CNTN4: variants seen among roughly 807,000 people sequenced by gnomAD.
CNTN4 encodes contactin-4.
CNTN4 carries 77 observed loss-of-function variants against 122.5 expected under a neutral mutation model. That is an observed-to-expected ratio of 0.63 (90% CI 0.52 to 0.76). The LOEUF (loss-of-function observed/expected upper bound fraction) is 0.76. Among genes scored for constraint, CNTN4 ranks in the 30% least tolerant of loss-of-function variants. The pLI, the probability that CNTN4 is intolerant of heterozygous loss-of-function variation, is 0.00. For missense variants in CNTN4, 1,256 were observed against 1,259.1 expected (o/e 1.00, Z 0.04); for synonymous variants, 512 against 447.0 (o/e 1.15, Z -1.83).
Position 2,420,718 on chromosome 3 carries a change from C to T in CNTN4, c.-89+81485C>T, listed in dbSNP as rs147498882. Among the ~76,000 whole-genome samples the T allele has an allele frequency of 3.7e-3, 569 of 152,182 alleles. 4 individuals are homozygous for T. The highest frequency in any genetic ancestry group is 0.013 in the African/African-American group (557 of 41,522). Reference sequence around the variant, plus strand: ...CCCAAAGTGCATTGCAGCTGTGGGCCACCGCGCCTGGCCAAATGTTCTTTA... The same window carrying T: ...CCCAAAGTGCATTGCAGCTGTGGGCTACCGCGCCTGGCCAAATGTTCTTTA... On this transcript the variant is annotated intron_variant, in intron 3 of 24. Coordinates refer to ENST00000418658, the MANE Select transcript of CNTN4 (RefSeq NM_175607.3).
chr3:2,583,761 A>G (rs2080052939), intron 4 of CNTN4, among the ~76,000 whole-genome samples: 1 of 152,188 alleles, frequency 6.6e-6, no homozygotes, highest in Non-Finnish European at 1.5e-5. Flanking sequence ...AAACACCTAT[A>G]TTATTGGGTA....
At chr3:2,630,891 A>G (rs1028009513) in intron 4 of CNTN4, among the ~76,000 whole-genome samples, 7 of 152,202 alleles carry the variant, frequency 4.6e-5, no homozygotes, top group Admixed American at 2.0e-4. Context: ...TCTGTACTTG[A>G]TCAAGTAAAT....
chr3:2,255,011 A>G (rs1246716390), intron 2 of CNTN4, among the ~76,000 whole-genome samples: 1 of 151,994 alleles, frequency 6.6e-6, no homozygotes, highest in Non-Finnish European at 1.5e-5. Context: ...TGGTTTTTAT[A>G]GTTTTAGGTC....
At chr3:2,479,914 C>A (rs2151570366) in intron 3 of CNTN4, among the ~76,000 whole-genome samples, 1 of 152,162 alleles carries the variant, frequency 6.6e-6, no homozygotes, top group South Asian at 2.1e-4. Flanking sequence ...AATAATTATA[C>A]ACCACCACCA....
intron 6 of CNTN4, among the ~76,000 whole-genome samples, chr3:2,758,350 C>T (rs2149668963): frequency 6.6e-6 from 1 of 152,146 alleles, no homozygotes; most frequent in South Asian, 2.1e-4. Flanking sequence ...CCTTTACCAG[C>T]CTATGAGGTT....
At position 2,324,339 on chromosome 3, in the gene CNTN4, C is replaced by T. The variant is rs184929763; in HGVS notation, c.-144-14839C>T. ...GGCATTGCTTCTTGTAAGATACACA[C>T]GCACACTCACACTCATACTTTTGTT... On this transcript the variant is annotated intron_variant, in intron 2 of 24. Transcript: ENST00000418658. Among the ~76,000 whole-genome samples the T allele has an allele frequency of 1.3e-4, 20 of 152,190 alleles. No individual in the cohort carries two copies. In the East Asian group the frequency reaches 2.5e-3, roughly 19 times the overall value.
At chr3:2,172,131 A>T (rs1329769151) in intron 2 of CNTN4, among the ~76,000 whole-genome samples, 2 of 152,232 alleles carry the variant, frequency 1.3e-5, no homozygotes, top group Admixed American at 6.5e-5. Flanking sequence ...GTATATCAGA[A>T]TTTATTAAGA....
At chr3:2,624,745 C>T (rs1295624868) in intron 4 of CNTN4, among the ~76,000 whole-genome samples, 1 of 150,800 alleles carries the variant, frequency 6.6e-6, no homozygotes, top group African/African-American at 2.4e-5. Context: ...AATTCCCTTG[C>T]CTCAGCTTCC....
intron 3 of CNTN4, among the ~76,000 whole-genome samples, chr3:2,543,952 G>T (rs538269928): frequency 1.6e-4 from 25 of 152,232 alleles, no homozygotes; most frequent in African/African-American, 5.3e-4. Flanking sequence ...ACAAGCCTCT[G>T]TGGTAGACAT....
Position 2,647,156 on chromosome 3 carries a change from G to A in CNTN4, c.55+75598G>A, listed in dbSNP as rs148325025. On this transcript the variant is annotated intron_variant, in intron 4 of 24. Transcript: ENST00000418658. ...AGCACTTTGGGAAGCCAGGGTGGGC[G>A]GATCACCCGAGGTCAGGAGTTCGAG... is the stretch of plus-strand genomic sequence containing the variant. Among the ~76,000 whole-genome samples, 274 of 152,152 alleles carry A rather than the reference G, an allele frequency of 1.8e-3. 2 individuals carry two copies. Among genetic ancestry groups the A allele is most frequent in the African/African-American group, 6.4e-3 (265 of 41,502 alleles).
chr3:2,730,158 G>A (rs894940465), intron 4 of CNTN4, among the ~76,000 whole-genome samples: 12 of 152,028 alleles, frequency 7.9e-5, no homozygotes, highest in African/African-American at 2.9e-4. Context: ...TGGAATATTT[G>A]CATATATATA....
chr3:2,215,040 G>C (rs1232984163), intron 2 of CNTN4, among the ~76,000 whole-genome samples: 1 of 152,160 alleles, frequency 6.6e-6, no homozygotes, highest in African/African-American at 2.4e-5. Context: ...GTTCAGTTTA[G>C]TTACAGACGC....
At chr3:2,308,400 T>G (rs1366636593) in intron 2 of CNTN4, among the ~76,000 whole-genome samples, 3 of 152,042 alleles carry the variant, frequency 2.0e-5, no homozygotes, top group Non-Finnish European at 4.4e-5. Context: ...TGCAATTCCC[T>G]TTATATTTTA....
At chr3:3,014,971 G>T (rs1202695501) in intron 14 of CNTN4, among the ~76,000 whole-genome samples, 1 of 146,746 alleles carries the variant, frequency 6.8e-6, no homozygotes, top group African/African-American at 2.5e-5. Flanking sequence ...AATGTCCAGT[G>T]ACCTTCAAAC....
Position 2,729,674 on chromosome 3 carries a change from G to T in CNTN4, c.56-6541G>T, listed in dbSNP as rs377559588. Among the ~76,000 whole-genome samples, 12 of 152,160 alleles carry T rather than the reference G, an allele frequency of 7.9e-5. No individual in the cohort carries two copies. In the East Asian group the frequency reaches 1.5e-3, roughly 20 times the overall value. On this transcript the variant is annotated intron_variant, in intron 4 of 24. Coordinates refer to ENST00000418658, the MANE Select transcript of CNTN4 (RefSeq NM_175607.3). ...TCATGCCTGTAATCCCGGCACTTTG[G>T]GATGCGAAGGCAGGCGGATCACAAG...
intron 14 of CNTN4, among the ~76,000 whole-genome samples, chr3:3,016,869 CAG>C (rs1294581856): frequency 2.0e-5 from 3 of 152,188 alleles, no homozygotes; most frequent in Admixed American, 6.5e-5. Context: ...GCATTCCACT[CAG>C]GGGCGATTTG....
chr3:2,233,944 A>G (rs1358313736), intron 2 of CNTN4, among the ~76,000 whole-genome samples: 1 of 152,196 alleles, frequency 6.6e-6, no homozygotes, highest in African/African-American at 2.4e-5. Context: ...ATCACCTGGA[A>G]AATCTACTTT....
intron 4 of CNTN4, among the ~76,000 whole-genome samples, chr3:2,587,195 TA>T (rs1332633773): frequency 2.6e-5 from 4 of 152,120 alleles, no homozygotes; most frequent in African/African-American, 9.7e-5. Context: ...GTCTTTCCTA[TA>T]AAAAAATATG....
intron 14 of CNTN4, among the ~76,000 whole-genome samples, chr3:3,020,142 C>T (rs1467011408): frequency 6.6e-6 from 1 of 151,946 alleles, no homozygotes; most frequent in African/African-American, 2.4e-5. Flanking sequence ...ATAAGAAATA[C>T]TTAATATAGC....
Sources: allele counts gnomAD v4.1 joint callset (sites outside exome capture counted in the v4.1 genomes callset), GRCh38; gene constraint gnomAD v4.1.1; transcripts MANE v1.5; gene names NCBI Gene and HGNC (gene_info 2026-07-23, HGNC 2026-07-21).